OSTF1: variants seen among roughly 807,000 people sequenced by gnomAD.
OSTF1 encodes osteoclast stimulating factor 1.
Under a neutral mutation model 37.2 loss-of-function variants are expected in OSTF1, and 27 were observed. The ratio of observed to expected loss-of-function variants is 0.73; its 90% confidence interval spans 0.54 to 1.00. OSTF1 has a LOEUF of 1.00. Ranked by LOEUF, OSTF1 falls within the 50% of genes least tolerant of loss-of-function variation. OSTF1 has a pLI of 0.00. For synonymous variants in OSTF1, 82 were observed against 89.2 expected (o/e 0.92, Z 0.46); for missense variants, 232 against 253.8 (o/e 0.91, Z 0.58).
chr9:75,108,909 C>T (rs1255968098), intron 1 of OSTF1, among the ~76,000 whole-genome samples: 1 of 152,190 alleles, frequency 6.6e-6, no homozygotes, highest in East Asian at 1.9e-4. Context: ...TTAACAGTAC[C>T]AAGGAATTAC....
At chr9:75,118,253 G>T (rs1194661348) in intron 2 of OSTF1, among the ~76,000 whole-genome samples, 1 of 152,224 alleles carries the variant, frequency 6.6e-6, no homozygotes, top group Non-Finnish European at 1.5e-5. Context: ...TTCTATAAAG[G>T]TGGCATCTGG....
chr9:75,101,369 AT>A (rs1196223692), intron 1 of OSTF1, among the ~76,000 whole-genome samples: 1 of 152,190 alleles, frequency 6.6e-6, no homozygotes, highest in Non-Finnish European at 1.5e-5. Flanking sequence ...AGAGGATGCA[AT>A]TAGGGAAACA....
rs1352994628 is a variant in OSTF1, at chr9:75,133,323, G to A, written c.280G>A (p.Asp94Asn). The A allele has an allele frequency of 2.5e-6, 4 of 1,612,402 alleles. No homozygotes were observed. The Admixed American group carries it at 6.7e-5, about 27-fold the overall frequency. The change falls in exon 6 of 10, where the codon GAC becomes AAC. Residue 94 changes from aspartate to asparagine, a missense_variant. By Grantham distance (23) the Asp-to-Asn change is conservative (BLOSUM62 1). Transcript: ENST00000346234. ...GNLSWLRECL[D>N]NRVGVNGLDK... Reference sequence around the variant, plus strand: ...CTTGAGCTGGTTGAGAGAGTGTTTGGACAACAGAGTGGGTGTTAATGGCTT... The same window carrying A: ...CTTGAGCTGGTTGAGAGAGTGTTTGAACAACAGAGTGGGTGTTAATGGCTT...
chr9:75,091,929 A>G (rs1212701241), intron 1 of OSTF1, among the ~76,000 whole-genome samples: 1 of 152,212 alleles, frequency 6.6e-6, no homozygotes, highest in Non-Finnish European at 1.5e-5. Context: ...TGGCATTGAG[A>G]TCTGAGACAG....
At chr9:75,141,312 CA>C (rs529293090) in intron 9 of OSTF1, among the ~76,000 whole-genome samples, 2,007 of 71,714 alleles carry the variant, frequency 0.028, 16 homozygotes, top group African/African-American at 0.048. Context: ...AAAAGAAAAC[CA>C]AAAAAAAAAA....
intron 3 of OSTF1, among the ~76,000 whole-genome samples, chr9:75,129,881 A>G (rs1223335170): frequency 1.3e-5 from 2 of 152,222 alleles, no homozygotes; most frequent in African/African-American, 4.8e-5. Flanking sequence ...ATTTGATGAT[A>G]TTAAGGAATT....
chr9:75,098,478 G>T (rs1825128348), intron 1 of OSTF1, among the ~76,000 whole-genome samples: 1 of 152,052 alleles, frequency 6.6e-6, no homozygotes, highest in Non-Finnish European at 1.5e-5. Flanking sequence ...GGGTCTCCCT[G>T]CAGGAATATG....
At chr9:75,133,936 C>T (rs556158405) in intron 6 of OSTF1, among the ~76,000 whole-genome samples, 81 of 152,258 alleles carry the variant, frequency 5.3e-4, no homozygotes, top group Middle Eastern at 3.4e-3. Context: ...TTCTACCTCT[C>T]TCTATAACAA....
chr9:75,119,686 GCTGGGCACGGTGGCT>G (rs1228042373), intron 2 of OSTF1, among the ~76,000 whole-genome samples: 16 of 152,170 alleles, frequency 1.1e-4, no homozygotes, highest in Admixed American at 3.3e-4. Context: ...GATGTGAGTC[GCTGGGCACGGTGGCT>G]CACGCCTGTA....
In OSTF1 at chr9:75,088,587, G is replaced by A; in HGVS notation, c.-106G>A. ...TGGGCGCCGGTCCTAGGAGGCGCAC[G>A]GTTGTAAGCCAGACAAAAAGAACTG... On this transcript the variant is annotated 5_prime_UTR_variant, in exon 1 of 10. Coordinates refer to ENST00000346234, the MANE Select transcript of OSTF1 (RefSeq NM_012383.5). 8.1e-7 allele frequency: 1 copy of A among 1,240,272 alleles called. No individual in the cohort carries two copies. The highest frequency in any genetic ancestry group is 1.3e-5 in the South Asian group (1 of 78,082). The allele number at this position is 1,240,272 out of a possible 1,614,324, so 76.8% of individuals were successfully genotyped here.
intron 1 of OSTF1, among the ~76,000 whole-genome samples, chr9:75,102,366 G>T (rs1217305529): frequency 6.6e-6 from 1 of 152,246 alleles, no homozygotes; most frequent in East Asian, 1.9e-4. Context: ...CACTCTGTGA[G>T]TGGTGAATTG....
At chr9:75,096,184 G>A (rs528456002) in intron 1 of OSTF1, among the ~76,000 whole-genome samples, 16 of 152,264 alleles carry the variant, frequency 1.1e-4, no homozygotes, top group African/African-American at 3.1e-4. Flanking sequence ...GAGCCACCGC[G>A]CCTGGACATG....
At chr9:75,117,984 C>T (rs747431615) in intron 2 of OSTF1, among the ~76,000 whole-genome samples, 10 of 152,116 alleles carry the variant, frequency 6.6e-5, no homozygotes, top group Non-Finnish European at 1.2e-4. Flanking sequence ...TTGTAGTTTC[C>T]GGTATCCGTC....
At chr9:75,102,417 T>G (rs911317822) in intron 1 of OSTF1, among the ~76,000 whole-genome samples, 14 of 152,246 alleles carry the variant, frequency 9.2e-5, no homozygotes, top group African/African-American at 3.1e-4. Flanking sequence ...GACTAGCGTC[T>G]TGAAGAAAAG....
chr9:75,140,712 C>T, intron 8 of OSTF1, 122 bp from the exon 9 acceptor site: 1 of 627,256 alleles, frequency 1.6e-6, no homozygotes. Context: ...AGAACGTTTA[C>T]TTCTGAGCCA....
Position 75,128,391 on chromosome 9 carries a change from T to TTTTGTCC in OSTF1, c.132+772_132+773insTTTGTCC, listed in dbSNP as rs1177781430. ...ATATATATATATATATATATATATATATATATATATATATATTTTGTCCAT... is the reference window on the plus strand; with the variant it reads ...ATATATATATATATATATATATATATTTTGTCCATATATATATATATATTTTGTCCAT... On this transcript the variant is annotated intron_variant, in intron 3 of 9. Transcript: ENST00000346234. 1.3e-4 allele frequency among the ~76,000 whole-genome samples: 14 copies of TTTTGTCC among 105,798 alleles called. 2 individuals are homozygous for TTTTGTCC. Among genetic ancestry groups the TTTTGTCC allele is most frequent in the African/African-American group, 4.0e-4 (11 of 27,572 alleles). The allele number at this position is 105,798 out of a possible 152,430, so 69.4% of individuals were successfully genotyped here.
intron 1 of OSTF1, among the ~76,000 whole-genome samples, chr9:75,111,905 C>T (rs960197708): frequency 1.0e-4 from 14 of 139,846 alleles, no homozygotes; most frequent in Admixed American, 2.3e-4. Flanking sequence ...CTCACTACCA[C>T]CTCCGCCTCC....
chr9:75,134,351 G>A lies in OSTF1; in HGVS notation c.364G>A (p.Val122Met). 1 of 1,554,428 alleles carries A rather than the reference G, an allele frequency of 6.4e-7. No individual in the cohort carries two copies. Among genetic ancestry groups the A allele is most frequent in the Non-Finnish European group, 8.8e-7 (1 of 1,131,912 alleles). ...CTTTTCTCTTTGAATTTCAGATATA[G>A]TGGAAATGCTATTTACTCAACCAAA... ...WACHGGHKDI[V>M]EMLFTQPNIE... The change falls in exon 7 of 10, where the codon GTG (valine) becomes ATG (methionine). Residue 122 changes from valine to methionine, a missense_variant. Physicochemically the swap from Val to Met is conservative, Grantham distance 21 (BLOSUM62 1). Transcript: ENST00000346234.
At chr9:75,101,126 CCCCTCCTT>C (rs1317434563) in intron 1 of OSTF1, among the ~76,000 whole-genome samples, 55 of 152,304 alleles carry the variant, frequency 3.6e-4, no homozygotes, top group African/African-American at 1.3e-3. Flanking sequence ...TTCTGCTTAG[CCCCTCCTT>C]CCCGTAAACA....
Sources: gnomAD v4.1 joint callset for allele counts (sites outside exome capture counted in the v4.1 genomes callset) on GRCh38, gnomAD v4.1.1 for gene constraint, MANE v1.5 for transcripts, NCBI Gene and HGNC (gene_info 2026-07-23, HGNC 2026-07-21) for gene names.